ELN: variants seen among roughly 807,000 people sequenced by gnomAD.
ELN encodes tropoelastin.
In ELN, 65 loss-of-function variants were observed where a neutral mutation model predicts 105.8. That is an observed-to-expected ratio of 0.61 (90% CI 0.50 to 0.75). The LOEUF (loss-of-function observed/expected upper bound fraction) is 0.75, where lower values mean the gene tolerates loss of function less well. Among genes scored for constraint, ELN ranks in the 30% least tolerant of loss-of-function variants. ELN has a pLI of 0.00. For missense variants in ELN, 882 were observed against 969.4 expected (o/e 0.91, Z 1.20); for synonymous variants, 368 against 389.2 (o/e 0.95, Z 0.64).
chr7:74,030,953 A>C (rs960843624), intron 1 of ELN, among the ~76,000 whole-genome samples: 4 of 151,932 alleles, frequency 2.6e-5, no homozygotes, highest in Non-Finnish European at 5.9e-5. Context: ...GAGGGGACAC[A>C]GTCACCCAGT....
intron 10 of ELN, 123 bp from the exon 11 acceptor site, chr7:74,046,065 G>A (rs1792431429): frequency 2.2e-6 from 3 of 1,336,304 alleles, no homozygotes; most frequent in South Asian, 2.4e-5. Context: ...GTTCATGTGA[G>A]CGCAGCATGC....
At position 74,068,724 on chromosome 7, in the gene ELN, G is replaced by T; in HGVS notation, c.*24G>T. Reference sequence around the variant, plus strand: ...GAGCTTCCTAGGACCCCTGACTCACGACCTCATCAACGTTGGTGCTACTGC... The same window carrying T: ...GAGCTTCCTAGGACCCCTGACTCACTACCTCATCAACGTTGGTGCTACTGC... On this transcript the variant is annotated 3_prime_UTR_variant, in exon 33 of 33. Coordinates refer to ENST00000252034, the MANE Select transcript of ELN (RefSeq NM_000501.4). 1 of 1,613,782 alleles carries T rather than the reference G, an allele frequency of 6.2e-7. No homozygotes were observed. The highest frequency in any genetic ancestry group is 8.5e-7 in the Non-Finnish European group (1 of 1,179,874).
chr7:74,064,202 A>C (rs1336942481), intron 29 of ELN, among the ~76,000 whole-genome samples: 2 of 151,270 alleles, frequency 1.3e-5, no homozygotes, highest in Non-Finnish European at 2.9e-5. Flanking sequence ...GCAGATCACG[A>C]GGTCAGATCA....
At chr7:74,055,269 G>A (rs1345134086) in intron 19 of ELN, among the ~76,000 whole-genome samples, 1 of 151,904 alleles carries the variant, frequency 6.6e-6, no homozygotes, top group Non-Finnish European at 1.5e-5. Context: ...GCAAGACCCT[G>A]TCTCTACATA....
chr7:74,044,335 C>A (rs1791963339), intron 9 of ELN, among the ~76,000 whole-genome samples: 1 of 152,076 alleles, frequency 6.6e-6, no homozygotes, highest in African/African-American at 2.4e-5. Context: ...CACCAGAAGC[C>A]CTGGGTCCTG....
chr7:74,062,708 G>T (rs921289824), intron 26 of ELN, among the ~76,000 whole-genome samples: 1 of 151,982 alleles, frequency 6.6e-6, no homozygotes. Context: ...CCGCCACCAC[G>T]CCTGGCTAAT....
chr7:74,064,423 A>AAAAT (rs1554687738), intron 29 of ELN, among the ~76,000 whole-genome samples: 4,173 of 132,998 alleles, frequency 0.031, 82 homozygotes, highest in African/African-American at 0.037. Flanking sequence ...TCAAAAAAAA[A>AAAAT]ATATATATAT....
rs138504338 is a variant in ELN, at chr7:74,053,205, C to T, written c.992C>T (p.Pro331Leu). 6.6e-5 allele frequency: 107 copies of T among 1,614,000 alleles called. 1 individual carries two copies. Among genetic ancestry groups the T allele is most frequent in the African/African-American group, 2.4e-4 (18 of 74,890 alleles). Reference sequence around the variant, plus strand: ...GTGCCTGGTGGGCCAGGCTTTGGCCCGGGAGTAGTTGGTGTCCCAGGAGCT... The same window carrying T: ...GTGCCTGGTGGGCCAGGCTTTGGCCTGGGAGTAGTTGGTGTCCCAGGAGCT... Reference protein sequence around the residue: ...GLVPGGPGFGPGVVGVPGAGV... With the variant: ...GLVPGGPGFGLGVVGVPGAGV... The change falls in exon 18 of 33, where the codon CCG becomes CTG. Residue 331 changes from proline to leucine, a missense_variant. Pro to Leu is a moderately conservative substitution (Grantham distance 98). Transcript: ENST00000252034.
chr7:74,067,973 G>C (rs1199182464), intron 32 of ELN, among the ~76,000 whole-genome samples: 3 of 146,920 alleles, frequency 2.0e-5, no homozygotes, highest in African/African-American at 7.6e-5. Context: ...TTCAGAGGCA[G>C]ATGTCTGTTC....
At chr7:74,045,730 C>A (rs1792310588) in intron 10 of ELN, 1 of 303,762 alleles carries the variant, frequency 3.3e-6, no homozygotes. Flanking sequence ...GCAACAGAGA[C>A]CCCGTTCCCC....
At chr7:74,046,053 G>C (rs1554671890) in intron 10 of ELN, 135 bp from the exon 11 acceptor site, 1 of 1,246,884 alleles carries the variant, frequency 8.0e-7, no homozygotes, top group African/African-American at 1.5e-5. Context: ...AGAAACCCCA[G>C]AGTTCATGTG....
chr7:74,029,383 G>A (rs1288041786), intron 1 of ELN, among the ~76,000 whole-genome samples: 1 of 152,186 alleles, frequency 6.6e-6, no homozygotes, highest in Non-Finnish European at 1.5e-5. Context: ...GTTTGAGGGT[G>A]TGCCCTGTGG....
intron 13 of ELN, among the ~76,000 whole-genome samples, chr7:74,047,939 T>C (rs1220145908): frequency 6.6e-6 from 1 of 152,200 alleles, no homozygotes; most frequent in Non-Finnish European, 1.5e-5. Context: ...AAGTGAGCTG[T>C]GTTGCTTCTT....
chr7:74,029,091 T>C (rs2130864012), intron 1 of ELN, among the ~76,000 whole-genome samples: 1 of 152,240 alleles, frequency 6.6e-6, no homozygotes, highest in Admixed American at 6.5e-5. Flanking sequence ...TGTGCAAAAG[T>C]CTGCCACCTG....
chr7:74,036,100 C>T (rs1584490856), intron 2 of ELN, among the ~76,000 whole-genome samples: 1 of 152,034 alleles, frequency 6.6e-6, no homozygotes. Context: ...ACCATCCTGG[C>T]TAACACGGTG....
chr7:74,046,095 A>T, intron 10 of ELN, 93 bp from the exon 11 acceptor site: 1 of 1,549,724 alleles, frequency 6.5e-7, no homozygotes, highest in Admixed American at 1.7e-5. Flanking sequence ...TCTGGGAAGA[A>T]CTGGCCATTC....
In ELN at chr7:74,063,646, A is replaced by T; in HGVS notation, c.1944A>T (p.Gly648=). The T allele has an allele frequency of 6.2e-7, 1 of 1,614,150 alleles. No individual in the cohort carries two copies. The highest frequency in any genetic ancestry group is 8.5e-7 in the Non-Finnish European group (1 of 1,180,014). Reference sequence around the variant, plus strand: ...GCCTAGTGGGAGCCGCTGGGCTCGGAGGACTCGGAGTCGGAGGGCTTGGAG... The same window carrying T: ...GCCTAGTGGGAGCCGCTGGGCTCGGTGGACTCGGAGTCGGAGGGCTTGGAG... ...QFGLVGAAGL[G]GLGVGGLGVP... is the part of the protein sequence containing the mutation. The change falls in exon 29 of 33, where the codon GGA becomes GGT. Residue 648 remains glycine, a synonymous_variant. Coordinates refer to ENST00000252034, the MANE Select transcript of ELN (RefSeq NM_000501.4). The surrounding 1 kb of genome is among the most constrained non-coding windows in gnomAD (Gnocchi z 4.1).
chr7:74,028,744 T>C (rs1216088070), intron 1 of ELN, among the ~76,000 whole-genome samples: 2 of 152,178 alleles, frequency 1.3e-5, no homozygotes, highest in Non-Finnish European at 1.5e-5. Context: ...CCTTGACCCC[T>C]GGGAAGCCGG....
chr7:74,054,270 C>G (rs1554678190), intron 18 of ELN, among the ~76,000 whole-genome samples: 1 of 151,962 alleles, frequency 6.6e-6, no homozygotes. Context: ...GAGTTCGAGA[C>G]CAGCCTGGCC....
Sources: gnomAD v4.1 joint callset for allele counts (sites outside exome capture counted in the v4.1 genomes callset) on GRCh38, gnomAD v4.1.1 for gene constraint, Gnocchi (gnomAD v3.1) non-coding constraint, MANE v1.5 for transcripts, NCBI Gene and HGNC (gene_info 2026-07-23, HGNC 2026-07-21) for gene names.